The following ZFPM2 variants were observed in gnomAD, a reference collection of about 807,000 sequenced individuals.
ZFPM2 encodes zinc finger protein, FOG family member 2.
In ZFPM2, 20 loss-of-function variants were observed where a neutral mutation model predicts 98.6. The observed-to-expected ratio is 0.20, with a 90% confidence interval of 0.14 to 0.29. The LOEUF is 0.29. Ranked by LOEUF, ZFPM2 falls within the 10% of genes least tolerant of loss-of-function variation. ZFPM2 has a pLI of 1.00. For missense variants in ZFPM2, 1,310 were observed against 1,388.6 expected (o/e 0.94, Z 0.90); for synonymous variants, 518 against 502.7 (o/e 1.03, Z -0.41).
intron 1 of ZFPM2, among the ~76,000 whole-genome samples, chr8:105,348,066 A>G (rs1812572450): frequency 6.6e-6 from 1 of 152,032 alleles, no homozygotes; most frequent in Non-Finnish European, 1.5e-5. Flanking sequence ...TTGGGACAAA[A>G]TCGACTGATA....
At chr8:105,750,873 A>G (rs1812458848) in intron 5 of ZFPM2, among the ~76,000 whole-genome samples, 1 of 152,100 alleles carries the variant, frequency 6.6e-6, no homozygotes, top group African/African-American at 2.4e-5. Flanking sequence ...TCATAAAGAC[A>G]GGCTTACCCT....
intron 5 of ZFPM2, among the ~76,000 whole-genome samples, chr8:105,686,774 C>A (rs909086935): frequency 3.9e-5 from 6 of 152,150 alleles, no homozygotes; most frequent in Admixed American, 3.3e-4. Flanking sequence ...AGGTGGTCAT[C>A]CTAGACAAGG....
At chr8:105,447,921 G>A (rs1812408135) in intron 3 of ZFPM2, among the ~76,000 whole-genome samples, 1 of 151,990 alleles carries the variant, frequency 6.6e-6, no homozygotes. Context: ...GATATGTTTT[G>A]TTATCACTAT....
At chr8:105,705,151 G>GATAT (rs10538317) in intron 5 of ZFPM2, among the ~76,000 whole-genome samples, 2 of 149,100 alleles carry the variant, frequency 1.3e-5, no homozygotes, top group Non-Finnish European at 3.0e-5. Context: ...TTTCTGAATT[G>GATAT]ATATATATAT....
intron 3 of ZFPM2, among the ~76,000 whole-genome samples, chr8:105,559,115 T>C (rs1815068586): frequency 6.6e-6 from 1 of 152,142 alleles, no homozygotes; most frequent in Non-Finnish European, 1.5e-5. Flanking sequence ...CTATAAAGGG[T>C]CTGTCATTCC....
intron 7 of ZFPM2, 147 bp downstream of exon 7, chr8:105,799,095 C>G (rs1248956584): frequency 4.3e-6 from 3 of 692,290 alleles, no homozygotes. Context: ...CCAGTGTGAT[C>G]TTATGCCACT....
rs139881948 is a variant in ZFPM2, at chr8:105,803,045, A to C, written c.2963A>C (p.Lys988Thr). The C allele has an allele frequency of 1.2e-4, 193 of 1,613,602 alleles. No homozygotes were observed. In the African/African-American group the frequency reaches 2.4e-3, roughly 20 times the overall value. The change falls in exon 8 of 8, where the codon AAG (lysine) becomes ACG (threonine). Residue 988 changes from lysine to threonine, a missense_variant. Lys to Thr is a moderately conservative substitution (Grantham distance 78, BLOSUM62 -1). Transcript: ENST00000407775. The part of the protein sequence containing the change: ...ADQLSPYYGI[K>T]PSDYISGSLV... ...CAGCTTTCTCCATATTATGGAATCA[A>C]GCCAAGTGATTATATTTCTGGTTCT...
At chr8:105,653,084 A>G (rs1563506202) in intron 5 of ZFPM2, among the ~76,000 whole-genome samples, 1 of 152,184 alleles carries the variant, frequency 6.6e-6, no homozygotes, top group African/African-American at 2.4e-5. Context: ...CTTAGTTTAG[A>G]TAGTCTTGCA....
At chr8:105,473,790 A>G (rs1253983231) in intron 3 of ZFPM2, among the ~76,000 whole-genome samples, 1 of 152,270 alleles carries the variant, frequency 6.6e-6, no homozygotes, top group Non-Finnish European at 1.5e-5. Context: ...CTATGCATAC[A>G]TATGCAAATG....
At chr8:105,459,509 T>C (rs1018987460) in intron 3 of ZFPM2, among the ~76,000 whole-genome samples, 3 of 152,210 alleles carry the variant, frequency 2.0e-5, no homozygotes, top group Non-Finnish European at 4.4e-5. Flanking sequence ...GCTCCCATAA[T>C]GTAATACCAC....
At chr8:105,594,649 C>T (rs916792780) in intron 4 of ZFPM2, among the ~76,000 whole-genome samples, 3 of 152,034 alleles carry the variant, frequency 2.0e-5, no homozygotes, top group Non-Finnish European at 4.4e-5. Context: ...CCTCAAAAAG[C>T]GCAAAGCTAA....
intron 3 of ZFPM2, among the ~76,000 whole-genome samples, chr8:105,546,006 G>A (rs1814689310): frequency 6.6e-6 from 1 of 152,102 alleles, no homozygotes; most frequent in Non-Finnish European, 1.5e-5. Flanking sequence ...GCCTGGCTTA[G>A]CTATAAAGTA....
chr8:105,474,545 A>G (rs1239885626), intron 3 of ZFPM2, among the ~76,000 whole-genome samples: 3 of 151,860 alleles, frequency 2.0e-5, no homozygotes, highest in Non-Finnish European at 2.9e-5. Context: ...GTAATTGGTA[A>G]GTTAAAAAAA....
At chr8:105,771,290 A>G (rs1404340619) in intron 5 of ZFPM2, among the ~76,000 whole-genome samples, 1 of 152,110 alleles carries the variant, frequency 6.6e-6, no homozygotes, top group South Asian at 2.1e-4. Context: ...AACTAATGAT[A>G]TGGGATATAA....
At chr8:105,648,805 G>A (rs948125360) in intron 5 of ZFPM2, among the ~76,000 whole-genome samples, 10 of 152,128 alleles carry the variant, frequency 6.6e-5, no homozygotes, top group Non-Finnish European at 1.5e-4. Flanking sequence ...TTGAAATCAG[G>A]TAGCATGATG....
intron 1 of ZFPM2, among the ~76,000 whole-genome samples, chr8:105,320,731 A>C (rs957950210): frequency 6.6e-6 from 1 of 152,074 alleles, no homozygotes; most frequent in Non-Finnish European, 1.5e-5. Flanking sequence ...AGCTACATTA[A>C]TTTTTTTATT....
chr8:105,711,431 A>G (rs1586213138), intron 5 of ZFPM2, among the ~76,000 whole-genome samples: 1 of 152,108 alleles, frequency 6.6e-6, no homozygotes, highest in African/African-American at 2.4e-5. Flanking sequence ...CACTTAAAAG[A>G]ATAGATCTTT....
chr8:105,352,631 C>T (rs1812670766), intron 1 of ZFPM2, among the ~76,000 whole-genome samples: 1 of 150,278 alleles, frequency 6.7e-6, no homozygotes, highest in Non-Finnish European at 1.5e-5. Context: ...TTATCTGGAT[C>T]TGCTGATTTG....
intron 3 of ZFPM2, among the ~76,000 whole-genome samples, chr8:105,454,848 A>G (rs1406526300): frequency 6.6e-6 from 1 of 152,196 alleles, no homozygotes; most frequent in African/African-American, 2.4e-5. Flanking sequence ...AAAAGTGACT[A>G]AGACCTCAGG....
Sources: allele counts gnomAD v4.1 joint callset (sites outside exome capture counted in the v4.1 genomes callset), GRCh38; gene constraint gnomAD v4.1.1; transcripts MANE v1.5; gene names NCBI Gene and HGNC (gene_info 2026-07-23, HGNC 2026-07-21).